OR6K6: variants seen among roughly 807,000 people sequenced by gnomAD.
The protein encoded by OR6K6 is olfactory receptor 6K6.
Under a neutral mutation model 8.1 loss-of-function variants are expected in OR6K6, and 9 were observed. That is an observed-to-expected ratio of 1.11 (90% CI 0.67 to 1.94). OR6K6 has a LOEUF of 1.94. Ranked by LOEUF, OR6K6 falls within the 30% of genes most tolerant of loss-of-function variation. The pLI is 0.00. For missense variants in OR6K6, 400 were observed against 383.1 expected, an observed-to-expected ratio of 1.04 and a Z score of -0.37; for synonymous variants, 156 against 140.3, an observed-to-expected ratio of 1.11 and a Z score of -0.79.
At chr1:158,755,140 A>C (rs755890171) in exon 1 of OR6K6, 1 of 1,613,952 alleles carries the variant, frequency 6.2e-7, no homozygotes, top group Admixed American at 1.7e-5. Context: ...CATCCCCAAG[A>C]TGCTGTCCTG....
At chr1:158,754,993 C>T (rs989507737) in exon 1 of OR6K6, 4 of 1,614,172 alleles carry the variant, frequency 2.5e-6, no homozygotes, top group Non-Finnish European at 3.4e-6. Context: ...TATTCCCTTG[C>T]TTCTCATCTA....
At chr1:158,755,434 T>C (rs761735317) in exon 1 of OR6K6, 1 of 1,614,248 alleles carries the variant, frequency 6.2e-7, no homozygotes, top group Admixed American at 1.7e-5. Flanking sequence ...CCAGATATTC[T>C]GTGATTTCAC....
chr1:158,755,879 T>C, exon 1 of OR6K6: 2 of 1,468,240 alleles, frequency 1.4e-6, no homozygotes, highest in South Asian at 2.7e-5. Context: ...AAAAGCCTCT[T>C]GGAAGAGCAA....
exon 1 of OR6K6, chr1:158,755,843 A>G (rs779062769): frequency 1.9e-6 from 3 of 1,594,750 alleles, no homozygotes; most frequent in South Asian, 1.1e-5. Flanking sequence ...TGGGCTGGGA[A>G]ATAGATACAG....
chr1:158,755,672 A>C (rs1189267429), exon 1 of OR6K6: 1 of 1,613,996 alleles, frequency 6.2e-7, no homozygotes, highest in Non-Finnish European at 8.5e-7. Context: ...GCTGTCATGT[A>C]TTTGAGATTC....
Position 158,755,595 on chromosome 1 carries a change from T to G in OR6K6, c.708T>G (p.Gly236=), listed in dbSNP as rs764336497. The change falls in exon 1 of 1, where the codon GGT becomes GGG. Residue 236 remains glycine, a synonymous_variant. Coordinates refer to ENST00000641861, the Ensembl canonical transcript of OR6K6. ...TTCTGGGAATGCACTCAGCTGAAGG[T>G]CATCACAAGGCCTTTTCCACCTGTG... The G allele has an allele frequency of 5.0e-6, 8 of 1,614,064 alleles. No individual in the cohort carries two copies. In the African/African-American group the frequency reaches 9.3e-5, roughly 19 times the overall value.
exon 1 of OR6K6, chr1:158,755,584 T>C: frequency 6.2e-7 from 1 of 1,614,226 alleles, no homozygotes. Flanking sequence ...GGGAATGCAC[T>C]CAGCTGAAGG....
chr1:158,754,760 C>A, exon 1 of OR6K6: 13 of 1,314,078 alleles, frequency 9.9e-6, no homozygotes, highest in Non-Finnish European at 1.4e-5. Context: ...AGAGATATTT[C>A]TAACTGGTTT....
Position 158,755,240 on chromosome 1 carries a change from T to C in OR6K6, c.353T>C (p.Val118Ala), listed in dbSNP as rs554395775. 9.9e-6 allele frequency: 16 copies of C among 1,614,086 alleles called. No homozygotes were observed. The East Asian group carries it at 3.1e-4, about 31-fold the overall frequency. Residue 118 changes from valine (V) to alanine (A), a missense_variant, in exon 1 of 1, where the codon GTC becomes GCC. Coordinates refer to ENST00000641861, the Ensembl canonical transcript of OR6K6. ...TCACTTGGTATCACAGAAAGCTGTG[T>C]CCTGACAGCAATGGCCATTGACAGG...
exon 1 of OR6K6, chr1:158,755,860 G>A (rs199603174): frequency 3.2e-4 from 506 of 1,562,174 alleles, no homozygotes; most frequent in Middle Eastern, 5.2e-4. Flanking sequence ...ACAGATCCTG[G>A]AGACTCTAAA....
At chr1:158,755,863 A>T in exon 1 of OR6K6, 1 of 1,555,312 alleles carries the variant, frequency 6.4e-7, no homozygotes, top group South Asian at 1.2e-5. Context: ...GATCCTGGAG[A>T]CTCTAAAAAG....
At chr1:158,755,671 T>C in exon 1 of OR6K6, 1 of 1,614,216 alleles carries the variant, frequency 6.2e-7, no homozygotes, top group East Asian at 2.2e-5. Flanking sequence ...GGCTGTCATG[T>C]ATTTGAGATT....
chr1:158,755,731 G>C, exon 1 of OR6K6: 4 of 1,614,098 alleles, frequency 2.5e-6, no homozygotes, highest in Non-Finnish European at 3.4e-6. Context: ...TGTCACTTTT[G>C]TTATCCTTGC....
At chr1:158,754,802 C>A (rs148753235) in exon 1 of OR6K6, 2 of 1,574,838 alleles carry the variant, frequency 1.3e-6, no homozygotes, top group South Asian at 1.2e-5. Context: ...TTGAGTAACT[C>A]ATTACAGAAA....
chr1:158,754,970 G>A (rs1344315073), exon 1 of OR6K6: 1 of 1,614,160 alleles, frequency 6.2e-7, no homozygotes, highest in Admixed American at 1.7e-5. Flanking sequence ...CACAGAGGTG[G>A]CCTCTTATTC....
At chr1:158,755,622 T>C (rs758836736) in exon 1 of OR6K6, 5 of 1,614,244 alleles carry the variant, frequency 3.1e-6, no homozygotes, top group Middle Eastern at 1.6e-4. Context: ...CCACCTGTGC[T>C]GCTCACCTTG....
At chr1:158,755,086 A>G in exon 1 of OR6K6, 1 of 1,614,100 alleles carries the variant, frequency 6.2e-7, no homozygotes, top group Non-Finnish European at 8.5e-7. Flanking sequence ...GTATTTCTTT[A>G]TCAGTGTCCT....
chr1:158,755,266 T>C (rs781782673), exon 1 of OR6K6: 3 of 1,614,028 alleles, frequency 1.9e-6, no homozygotes, highest in African/African-American at 2.7e-5. Flanking sequence ...CATTGACAGG[T>C]ACATAGCTAT....
At chr1:158,755,060 C>G (rs1656955238) in exon 1 of OR6K6, 1 of 1,613,978 alleles carries the variant, frequency 6.2e-7, no homozygotes, top group African/African-American at 1.3e-5. Context: ...GTGGGCATGG[C>G]CCTGCACACC....
Sources: gnomAD v4.1 joint callset for allele counts on GRCh38, gnomAD v4.1.1 for gene constraint, MANE v1.5 for transcripts, NCBI Gene and HGNC (gene_info 2026-07-23, HGNC 2026-07-21) for gene names.